TRABD2B: variants seen among roughly 807,000 people sequenced by gnomAD.
The protein encoded by TRABD2B is TraB domain containing 2B.
In TRABD2B, 14 loss-of-function variants were observed where a neutral mutation model predicts 40.1. The ratio of observed to expected loss-of-function variants is 0.35; its 90% CI spans 0.23 to 0.55. The LOEUF is 0.55. Ranked by LOEUF, TRABD2B falls within the 20% of genes least tolerant of loss-of-function variation. The pLI, the probability that TRABD2B is intolerant of heterozygous loss-of-function variation, is 0.90. For missense variants in TRABD2B, 541 were observed against 648.6 expected, an observed-to-expected ratio of 0.83 and a Z score of 1.80; for synonymous variants, 263 against 277.0, an observed-to-expected ratio of 0.95 and a Z score of 0.50.
At chr1:47,842,359 C>T (rs1490436772) in intron 2 of TRABD2B, among the ~76,000 whole-genome samples, 1 of 152,134 alleles carries the variant, frequency 6.6e-6, no homozygotes, top group African/African-American at 2.4e-5. Context: ...TTTGGCTCAC[C>T]TTGCCTCAGG....
At chr1:47,823,649 C>A (rs1463868949) in intron 2 of TRABD2B, among the ~76,000 whole-genome samples, 2 of 152,122 alleles carry the variant, frequency 1.3e-5, no homozygotes, top group Non-Finnish European at 2.9e-5. Flanking sequence ...TTGCTACAGA[C>A]TGAGAATGGG....
At chr1:47,926,926 G>T (rs1222282860) in intron 2 of TRABD2B, among the ~76,000 whole-genome samples, 1 of 152,136 alleles carries the variant, frequency 6.6e-6, no homozygotes. Flanking sequence ...TAGTTCCCAG[G>T]TTCAAGAAGT....
At chr1:47,880,453 G>A (rs1644286573) in intron 2 of TRABD2B, among the ~76,000 whole-genome samples, 1 of 152,212 alleles carries the variant, frequency 6.6e-6, no homozygotes, top group African/African-American at 2.4e-5. Context: ...TAATTACACA[G>A]AGACTGTGAG....
chr1:47,836,393 C>T (rs1048533821), intron 2 of TRABD2B, among the ~76,000 whole-genome samples: 1 of 152,232 alleles, frequency 6.6e-6, no homozygotes, highest in African/African-American at 2.4e-5. Context: ...AATCTTGCCC[C>T]TCAGCCTTCT....
Position 47,816,235 on chromosome 1 carries a change from G to A in TRABD2B, c.667-14616C>T, listed in dbSNP as rs192301347. On this transcript the variant is annotated intron_variant, in intron 2 of 6. Coordinates refer to ENST00000606738, the MANE Select transcript of TRABD2B (RefSeq NM_001194986.2). ...TGGGCTGCATCTTGAATCCTGAGCA[G>A]CCCTGACCTGAGGTAGGGCCCACTG... Among the ~76,000 whole-genome samples the A allele has an allele frequency of 1.4e-3, 216 of 152,332 alleles. 1 individual carries two copies. Among genetic ancestry groups the A allele is most frequent in the Middle Eastern group, 3.4e-3 (1 of 294 alleles).
intron 2 of TRABD2B, among the ~76,000 whole-genome samples, chr1:47,898,579 C>G (rs183997433): frequency 6.6e-6 from 1 of 152,166 alleles, no homozygotes; most frequent in African/African-American, 2.4e-5. Flanking sequence ...GATGGTCATA[C>G]GAGCTCTAAC....
At chr1:47,985,993 G>A (rs1159308357) in intron 2 of TRABD2B, among the ~76,000 whole-genome samples, 1 of 152,090 alleles carries the variant, frequency 6.6e-6, no homozygotes, top group Non-Finnish European at 1.5e-5. Context: ...AGGGAGGGAG[G>A]GAGATATCAT....
intron 2 of TRABD2B, among the ~76,000 whole-genome samples, chr1:47,974,656 C>A (rs1341812515): frequency 2.6e-5 from 4 of 152,186 alleles, no homozygotes; most frequent in Non-Finnish European, 4.4e-5. Flanking sequence ...GCAGACTGAG[C>A]CTTCAAAACG....
chr1:47,984,346 G>A (rs1319746733), intron 2 of TRABD2B, among the ~76,000 whole-genome samples: 1 of 152,244 alleles, frequency 6.6e-6, no homozygotes, highest in African/African-American at 2.4e-5. Context: ...CGGCCCCCAA[G>A]GCGCAGCCGC....
chr1:47,849,862 C>T (rs1161106990), intron 2 of TRABD2B, among the ~76,000 whole-genome samples: 1 of 152,212 alleles, frequency 6.6e-6, no homozygotes, highest in Admixed American at 6.5e-5. Context: ...GCTCCATCCC[C>T]ACCCACTGCA....
chr1:47,770,235 C>G (rs1644360865), intron 6 of TRABD2B, among the ~76,000 whole-genome samples: 1 of 152,320 alleles, frequency 6.6e-6, no homozygotes, highest in Middle Eastern at 3.4e-3. Context: ...GGATAGAGAT[C>G]TCACTGTGAT....
intron 2 of TRABD2B, among the ~76,000 whole-genome samples, chr1:47,973,894 C>T (rs57707692): frequency 0.067 from 10,212 of 152,122 alleles, 383 homozygotes; most frequent in East Asian, 0.1. Context: ...GCTTGAGCTC[C>T]GGAGTTCGAG....
chr1:47,991,913 T>G (rs1235060468), intron 2 of TRABD2B, among the ~76,000 whole-genome samples: 1 of 152,160 alleles, frequency 6.6e-6, no homozygotes, highest in East Asian at 1.9e-4. Flanking sequence ...TTTGGATCCC[T>G]AATGACCTCA....
chr1:47,836,717 T>C (rs922833158), intron 2 of TRABD2B, among the ~76,000 whole-genome samples: 1 of 151,952 alleles, frequency 6.6e-6, no homozygotes, highest in African/African-American at 2.4e-5. Flanking sequence ...CTTTGGGAGG[T>C]AATTAGGTTA....
At chr1:47,788,218 T>C (rs937198926) in intron 4 of TRABD2B, among the ~76,000 whole-genome samples, 2 of 152,198 alleles carry the variant, frequency 1.3e-5, no homozygotes, top group African/African-American at 4.8e-5. Flanking sequence ...GTCCACTCTC[T>C]AGGGAGCAAT....
chr1:47,970,046 C>G (rs303907), intron 2 of TRABD2B, among the ~76,000 whole-genome samples: 142,100 of 152,098 alleles, frequency 0.93, 66,482 homozygotes, highest in African/African-American at 0.97. Flanking sequence ...CCTGACCCCA[C>G]ACTCAAGCAC....
chr1:47,866,822 A>G (rs1644064987), intron 2 of TRABD2B, among the ~76,000 whole-genome samples: 1 of 152,146 alleles, frequency 6.6e-6, no homozygotes, highest in South Asian at 2.1e-4. Flanking sequence ...ACTTTCTAAC[A>G]AACACCCAAA....
At chr1:47,965,357 TCTGGA>T (rs1335891019) in intron 2 of TRABD2B, among the ~76,000 whole-genome samples, 1 of 150,940 alleles carries the variant, frequency 6.6e-6, no homozygotes, top group Non-Finnish European at 1.5e-5. Flanking sequence ...AAGTTACAGA[TCTGGA>T]CTTGAAATTA....
chr1:47,937,664 G>C (rs1372062013), intron 2 of TRABD2B, among the ~76,000 whole-genome samples: 3 of 151,738 alleles, frequency 2.0e-5, no homozygotes, highest in Non-Finnish European at 4.4e-5. Flanking sequence ...CAAGCTTCCT[G>C]TCACAGGTAA....
Sources: gnomAD v4.1 joint callset for allele counts (sites outside exome capture counted in the v4.1 genomes callset) on GRCh38, gnomAD v4.1.1 for gene constraint, MANE v1.5 for transcripts, NCBI Gene and HGNC (gene_info 2026-07-23, HGNC 2026-07-21) for gene names.